The following GPR155 variants were observed in gnomAD, a reference collection of about 807,000 sequenced individuals.
The protein encoded by GPR155 is G protein-coupled receptor 155, also known as lysosomal cholesterol signaling protein.
Under a neutral mutation model 93.1 loss-of-function variants are expected in GPR155, and 65 were observed. That is an observed-to-expected ratio of 0.70 (90% CI 0.57 to 0.86). The LOEUF (loss-of-function observed/expected upper bound fraction) is 0.86, where lower values mean the gene tolerates loss of function less well. Among genes scored for constraint, GPR155 ranks in the 40% least tolerant of loss-of-function variants. GPR155 has a pLI of 0.00. For missense variants in GPR155, 838 were observed against 1,034.8 expected (o/e 0.81, Z 2.61); for synonymous variants, 319 against 360.1 (o/e 0.89, Z 1.29).
chr2:174,448,461 A>G (rs1419400310), intron 11 of GPR155, among the ~76,000 whole-genome samples: 1 of 151,660 alleles, frequency 6.6e-6, no homozygotes, highest in African/African-American at 2.4e-5. Flanking sequence ...GGAAGAATTT[A>G]TGACTCAGTC....
chr2:174,450,343 G>A (rs1031762422), intron 11 of GPR155, among the ~76,000 whole-genome samples: 3 of 152,064 alleles, frequency 2.0e-5, no homozygotes, highest in Non-Finnish European at 4.4e-5. Context: ...GAGGGAGAGG[G>A]CAAGGGCTAA....
rs1472391988 is a variant in GPR155, at chr2:174,435,678, T to G, written c.*438A>C. The stretch of plus-strand genomic sequence containing the variant: ...TAGTAGAGACGGGGTTTCGCCATGT[T>G]GGCCAGGCTGGTCTTGAACTCCTGA... On this transcript the variant is annotated 3_prime_UTR_variant, in exon 16 of 16. Coordinates refer to ENST00000392552, the MANE Select transcript of GPR155 (RefSeq NM_152529.7). 1 of 153,532 alleles carries G rather than the reference T, an allele frequency of 6.5e-6. No homozygotes were observed. Among genetic ancestry groups the G allele is most frequent in the Non-Finnish European group, 1.4e-5 (1 of 69,026 alleles). 9.5% of individuals were successfully genotyped at this position (153,532 alleles called of 1,614,324 possible). A position where few individuals can be genotyped will look rare whatever the true frequency, so the allele number is the denominator to read the frequency against.
chr2:174,443,627 G>T (rs1333441231), intron 13 of GPR155, among the ~76,000 whole-genome samples: 1 of 152,116 alleles, frequency 6.6e-6, no homozygotes, highest in Non-Finnish European at 1.5e-5. Context: ...TACTCAGGAG[G>T]CTGAGGTAGG....
At chr2:174,439,050 C>T (rs1686875002) in intron 15 of GPR155, among the ~76,000 whole-genome samples, 1 of 152,176 alleles carries the variant, frequency 6.6e-6, no homozygotes, top group Admixed American at 6.6e-5. Flanking sequence ...AGCGGCAGTT[C>T]AGGAGCTGAG....
rs746999527 is a variant in GPR155, at chr2:174,481,892, G to A, written c.65C>T (p.Thr22Ile). 5 of 1,614,108 alleles carry A rather than the reference G, an allele frequency of 3.1e-6. No individual in the cohort carries two copies. Among genetic ancestry groups the A allele is most frequent in the East Asian group, 4.5e-5 (2 of 44,876 alleles). Residue 22 changes from threonine (T) to isoleucine (I), a missense_variant, in exon 2 of 16, where the codon ACA (threonine) becomes ATA (isoleucine). By Grantham distance (89) the Thr-to-Ile change is moderately conservative. This residue lies in a region of GPR155 where 663 missense variants were observed against 790.1 expected (regional missense o/e 0.84). Transcript: ENST00000392552. ...GGAATTAAATCCATGCGTTACTGCTGTAGGCAAAGTCTTGGTCATATTGAC... is the reference window on the plus strand; with the variant it reads ...GGAATTAAATCCATGCGTTACTGCTATAGGCAAAGTCTTGGTCATATTGAC... ...IAVNMTKTLP[T>I]AVTHGFNSTN... is the part of the protein sequence containing the mutation.
At chr2:174,475,212 G>A (rs371011522) in intron 2 of GPR155, among the ~76,000 whole-genome samples, 4 of 146,466 alleles carry the variant, frequency 2.7e-5, no homozygotes, top group Admixed American at 6.8e-5. Flanking sequence ...GGAGAATGGC[G>A]TGAACCCGGG....
chr2:174,448,518 TTTTTG>T lies in GPR155; in HGVS notation c.1877-1776_1877-1772del, dbSNP rs1313478215. Among the ~76,000 whole-genome samples, 17 of 116,918 alleles carry T rather than the reference TTTTTG, an allele frequency of 1.5e-4. 1 individual carries two copies. The highest frequency in any genetic ancestry group is 5.4e-4 in the African/African-American group (15 of 27,656). The allele number at this position is 116,918 out of a possible 152,430, so 76.7% of individuals were successfully genotyped here. On this transcript the variant is annotated intron_variant, in intron 11 of 15. Coordinates refer to ENST00000392552, the MANE Select transcript of GPR155 (RefSeq NM_152529.7). ...AACACTATACTGGGAAGTTTTTTGTTTTTTGTTTTTTGTTTTTTTTTTTTTTTTTT... is the reference window on the plus strand; with the variant it reads ...AACACTATACTGGGAAGTTTTTTGTTTTTTTTGTTTTTTTTTTTTTTTTTT...
Position 174,433,402 on chromosome 2 carries a change from A to C in GPR155, c.*2714T>G, listed in dbSNP as rs192408002. 1 of 152,340 alleles carries C rather than the reference A, an allele frequency of 6.6e-6. No homozygotes were observed. The highest frequency in any genetic ancestry group is 1.9e-4 in the East Asian group (1 of 5,184). The allele number at this position is 152,340 out of a possible 1,614,324, so 9.4% of individuals were successfully genotyped here. On this transcript the variant is annotated 3_prime_UTR_variant, in exon 16 of 16. Transcript: ENST00000392552. ...ACAGGAGAATAGAAGCTCCATGAGGATAGGAATCATATTTGTTCCAACTGT... is the reference window on the plus strand; with the variant it reads ...ACAGGAGAATAGAAGCTCCATGAGGCTAGGAATCATATTTGTTCCAACTGT...
At chr2:174,459,207 A>G (rs185348097) in intron 10 of GPR155, among the ~76,000 whole-genome samples, 7 of 152,334 alleles carry the variant, frequency 4.6e-5, no homozygotes, top group African/African-American at 1.4e-4. Context: ...TACATCATTA[A>G]TCTGGCTTTA....
At chr2:174,446,323 A>AGAAAAAG (rs1559099925) in intron 12 of GPR155, among the ~76,000 whole-genome samples, 1 of 105,848 alleles carries the variant, frequency 9.4e-6, no homozygotes, top group African/African-American at 3.3e-5. Flanking sequence ...AAAAAAAATA[A>AGAAAAAG]AAAATAAAAA....
Position 174,461,813 on chromosome 2 carries a change from A to G in GPR155, c.1385-141T>C, listed in dbSNP as rs1687706237. 5.1e-6 allele frequency: 3 copies of G among 592,950 alleles called. No homozygotes were observed. The South Asian group carries it at 6.8e-5, about 13-fold the overall frequency. 36.7% of individuals were successfully genotyped at this position (592,950 alleles called of 1,614,324 possible). A position where few individuals can be genotyped will look rare whatever the true frequency, so the allele number is the denominator to read the frequency against. ...TTGCTTTAGAATTTCTTCCTTCTAA[A>G]TAAATGCTATCCTCAATATTTTGAA... On this transcript the variant is annotated intron_variant, in intron 7 of 15. Coordinates refer to ENST00000392552, the MANE Select transcript of GPR155 (RefSeq NM_152529.7).
chr2:174,445,035 T>A, intron 13 of GPR155, 46 bp downstream of exon 13: 1 of 908,202 alleles, frequency 1.1e-6, no homozygotes, highest in Non-Finnish European at 1.8e-6. Context: ...CCAATCAACC[T>A]ATCCAGGAAG....
At chr2:174,454,198 C>T (rs143854664) in intron 10 of GPR155, among the ~76,000 whole-genome samples, 3,293 of 152,112 alleles carry the variant, frequency 0.022, 107 homozygotes, top group African/African-American at 0.071. Context: ...AGTGCAGTGG[C>T]GCAATCTCGG....
chr2:174,471,038 A>G (rs951069315), intron 3 of GPR155, among the ~76,000 whole-genome samples: 1 of 151,914 alleles, frequency 6.6e-6, no homozygotes, highest in African/African-American at 2.4e-5. Context: ...AAAAAGCTGA[A>G]CTTTATCATG....
At chr2:174,458,501 TCA>T (rs1381449370) in intron 10 of GPR155, among the ~76,000 whole-genome samples, 1 of 152,222 alleles carries the variant, frequency 6.6e-6, no homozygotes, top group Non-Finnish European at 1.5e-5. Context: ...GAAGTTGTTC[TCA>T]GTTTCTCTCT....
Position 174,460,099 on chromosome 2 carries a change from GA to G in GPR155, c.1561-12del, listed in dbSNP as rs1559109059. 6.5e-6 allele frequency: 10 copies of G among 1,549,620 alleles called. No individual in the cohort carries two copies. The highest frequency in any genetic ancestry group is 1.4e-5 in the African/African-American group (1 of 70,096). Reference sequence around the variant, plus strand: ...TGCTGTGGTGATCATCTGCCGACATGAAAAAAAGATATCAGGCCACTTTTCA... The same window carrying G: ...TGCTGTGGTGATCATCTGCCGACATGAAAAAAGATATCAGGCCACTTTTCA... On this transcript the variant is annotated splice_polypyrimidine_tract_variant and intron_variant, in intron 9 of 15. Transcript: ENST00000392552.
chr2:174,465,757 C>A (rs1262180648), intron 7 of GPR155, 28 bp downstream of exon 7: 1 of 1,093,876 alleles, frequency 9.1e-7, no homozygotes, highest in Admixed American at 1.7e-5. Context: ...GGGAACAGAT[C>A]TCAATTTCCA....
At chr2:174,462,679 A>T (rs1687734423) in intron 7 of GPR155, among the ~76,000 whole-genome samples, 1 of 152,246 alleles carries the variant, frequency 6.6e-6, no homozygotes, top group South Asian at 2.1e-4. Context: ...GGTGCTAAGA[A>T]GTATGGGCAA....
Position 174,436,118 on chromosome 2 carries a change from A to G in GPR155, c.2611T>C (p.Ter871GlnextTer13). Residue 871 changes from the stop codon to glutamine, a stop_lost, in exon 16 of 16, where the codon TAA becomes CAA. Coordinates refer to ENST00000392552, the MANE Select transcript of GPR155 (RefSeq NM_152529.7). ...SSPPSHSPKT[*>Q] is the part of the protein sequence containing the mutation. ...TGTAGGGTTCTCCCCTGCATAATTT[A>G]GGTCTTAGGGGAATGTGAGGGTGGG... The G allele has an allele frequency of 6.2e-7, 1 of 1,609,718 alleles. No homozygotes were observed. Among genetic ancestry groups the G allele is most frequent in the Non-Finnish European group, 8.5e-7 (1 of 1,176,288 alleles).
Sources: allele counts gnomAD v4.1 joint callset (sites outside exome capture counted in the v4.1 genomes callset), GRCh38; gene constraint gnomAD v4.1.1; regional missense constraint gnomAD v4.1.1; transcripts MANE v1.5; gene names NCBI Gene and HGNC (gene_info 2026-07-23, HGNC 2026-07-21).